Variants in PDE10A observed in about 807,000 individuals in gnomAD.
The protein encoded by PDE10A is phosphodiesterase 10A, also known as cAMP and cAMP-inhibited cGMP 3',5'-cyclic phosphodiesterase 10A.
A neutral mutation model predicts 97.7 loss-of-function variants in PDE10A; 39 were observed. The observed-to-expected ratio is 0.40, with a 90% CI of 0.31 to 0.52. The LOEUF (loss-of-function observed/expected upper bound fraction) is 0.52, where lower values mean the gene tolerates loss of function less well. Among genes scored for constraint, PDE10A ranks in the 20% least tolerant of loss-of-function variants. The pLI is 0.56. For synonymous variants in PDE10A, 371 were observed against 376.8 expected, an observed-to-expected ratio of 0.98 and a Z score of 0.18; for missense variants, 731 against 1,047.8, an observed-to-expected ratio of 0.70 and a Z score of 4.17.
chr6:165,335,040 A>G (rs1453561897), intron 21 of PDE10A, among the ~76,000 whole-genome samples: 1 of 152,188 alleles, frequency 6.6e-6, no homozygotes, highest in Non-Finnish European at 1.5e-5. Flanking sequence ...CATGGCCCGG[A>G]GCCAATTCAC....
At chr6:165,728,429 C>T (rs1352550117) in intron 1 of PDE10A, among the ~76,000 whole-genome samples, 1 of 152,146 alleles carries the variant, frequency 6.6e-6, no homozygotes, top group Admixed American at 6.5e-5. Context: ...GACTGGCTTT[C>T]CTGCTTCCAT....
chr6:165,924,370 T>C (rs950423602), intron 1 of PDE10A, among the ~76,000 whole-genome samples: 11 of 152,130 alleles, frequency 7.2e-5, no homozygotes, highest in African/African-American at 2.7e-4. Flanking sequence ...ATGGTTCCTA[T>C]GTTGGATGGA....
At chr6:165,840,949 A>G (rs1422917803) in intron 1 of PDE10A, among the ~76,000 whole-genome samples, 1 of 152,186 alleles carries the variant, frequency 6.6e-6, no homozygotes, top group Non-Finnish European at 1.5e-5. Flanking sequence ...CTAGAACTTA[A>G]TTTGGAAATT....
chr6:165,644,445 T>C (rs1041339477), intron 1 of PDE10A, among the ~76,000 whole-genome samples: 25 of 152,150 alleles, frequency 1.6e-4, no homozygotes, highest in Admixed American at 1.2e-3. Context: ...GGTGTGCCCA[T>C]AGGAAGCAGC....
Position 165,355,782 on chromosome 6 carries a change from AAAC to A in PDE10A, c.2784-12283_2784-12281del, listed in dbSNP as rs1440130587. 3.3e-5 allele frequency among the ~76,000 whole-genome samples: 5 copies of A among 152,102 alleles called. No homozygotes were observed. The East Asian group carries it at 9.7e-4, about 29-fold the overall frequency. On this transcript the variant is annotated intron_variant, in intron 18 of 21. Coordinates refer to ENST00000539869, the MANE Select transcript of PDE10A (RefSeq NM_001385079.1). ...GCTTTATTAAAACAAAACAAAATAAAAACAAAACAACTAAGGTGTTTTCTAAAG... is the reference window on the plus strand; with the variant it reads ...GCTTTATTAAAACAAAACAAAATAAAAAAACAACTAAGGTGTTTTCTAAAG...
At chr6:165,628,638 A>G (rs1210597714) in intron 1 of PDE10A, among the ~76,000 whole-genome samples, 2 of 152,190 alleles carry the variant, frequency 1.3e-5, no homozygotes, top group African/African-American at 4.8e-5. Flanking sequence ...GCCACTGCAC[A>G]TGGCCCTGTT....
rs541477857 is a variant in PDE10A, at chr6:165,705,079, G to A, written c.-614-161511C>T. 2.4e-3 allele frequency among the ~76,000 whole-genome samples: 366 copies of A among 152,282 alleles called. 2 individuals carry two copies. Among genetic ancestry groups the A allele is most frequent in the Non-Finnish European group, 4.3e-3 (293 of 68,010 alleles). On this transcript the variant is annotated intron_variant, in intron 1 of 19. Coordinates refer to the PDE10A transcript ENST00000366882. ...CAGGGTGCTTCTTGTGGTACCACCC[G>A]CCCCCAGCATGGCACGCACACCCAG...
intron 2 of PDE10A, among the ~76,000 whole-genome samples, chr6:165,510,708 T>C (rs1483725510): frequency 1.3e-5 from 2 of 152,102 alleles, no homozygotes; most frequent in Admixed American, 6.6e-5. Context: ...TTGCTACTAG[T>C]TATTGGTCTA....
At chr6:165,799,583 A>T (rs1167745943) in intron 1 of PDE10A, among the ~76,000 whole-genome samples, 1 of 152,188 alleles carries the variant, frequency 6.6e-6, no homozygotes, top group African/African-American at 2.4e-5. Context: ...ACTGTGAATT[A>T]GTTCAGCCAT....
rs183860052 is a variant in PDE10A, at chr6:165,501,256, C to T, written c.995-18913G>A. ...GCAGGCCACCCCTTCATGGCATGAACACCTAGGTAAAAAGTTCTGAGGAGG... is the reference window on the plus strand; with the variant it reads ...GCAGGCCACCCCTTCATGGCATGAATACCTAGGTAAAAAGTTCTGAGGAGG... On this transcript the variant is annotated intron_variant, in intron 2 of 21. Transcript: ENST00000539869. Among the ~76,000 whole-genome samples, 567 of 152,254 alleles carry T rather than the reference C, an allele frequency of 3.7e-3. 3 individuals are homozygous for T. Among genetic ancestry groups the T allele is most frequent in the African/African-American group, 0.013 (548 of 41,558 alleles).
Position 165,780,758 on chromosome 6 carries a change from G to A in PDE10A, c.-615+206771C>T, listed in dbSNP as rs576868262. 7 of 152,434 alleles carry A rather than the reference G, an allele frequency of 4.6e-5. No individual in the cohort carries two copies. The East Asian group carries it at 1.2e-3, about 25-fold the overall frequency. The allele number at this position is 152,434 out of a possible 1,614,324, so 9.4% of individuals were successfully genotyped here. A position where few individuals can be genotyped will look rare whatever the true frequency, so the allele number is the denominator to read the frequency against. On this transcript the variant is annotated intron_variant, in intron 1 of 19. Transcript: ENST00000366882. ...GGTGCCAGCTGTTGGCCTTGAACTT[G>A]CCTGAGGTCTCACCCTCTCAACGCT...
intron 13 of PDE10A, among the ~76,000 whole-genome samples, chr6:165,397,102 T>C (rs747617983): frequency 4.2e-4 from 64 of 152,180 alleles, no homozygotes; most frequent in Admixed American, 1.6e-3. Context: ...TAATCGAAAA[T>C]GGATAGGTAC....
At chr6:165,712,635 T>A (rs965969627) in intron 1 of PDE10A, among the ~76,000 whole-genome samples, 1 of 18,162 alleles carries the variant, frequency 5.5e-5, no homozygotes. Context: ...TTCTTTCTTT[T>A]TTTTTTTTTT....
At chr6:165,631,994 A>G (rs1429563270) in intron 1 of PDE10A, among the ~76,000 whole-genome samples, 3 of 152,056 alleles carry the variant, frequency 2.0e-5, no homozygotes, top group Non-Finnish European at 4.4e-5. Flanking sequence ...TGAGGTCAGG[A>G]GTTTGAGACC....
intron 1 of PDE10A, among the ~76,000 whole-genome samples, chr6:165,881,891 A>G (rs957023514): frequency 1.3e-5 from 2 of 152,220 alleles, no homozygotes; most frequent in Non-Finnish European, 2.9e-5. Flanking sequence ...AGTCACTTGA[A>G]AAAACATTGC....
intron 2 of PDE10A, among the ~76,000 whole-genome samples, chr6:165,505,073 A>C (rs1170005924): frequency 6.6e-6 from 1 of 152,152 alleles, no homozygotes; most frequent in Admixed American, 6.5e-5. Context: ...CTGGGGCCTA[A>C]AAGCTTCTCT....
chr6:165,728,701 G>T (rs1792355373), intron 1 of PDE10A, among the ~76,000 whole-genome samples: 1 of 152,116 alleles, frequency 6.6e-6, no homozygotes, highest in Non-Finnish European at 1.5e-5. Context: ...AGAATATTCT[G>T]ATATAAGACA....
intron 1 of PDE10A, among the ~76,000 whole-genome samples, chr6:165,982,891 C>G (rs1785062454): frequency 6.6e-6 from 1 of 152,126 alleles, no homozygotes; most frequent in Admixed American, 6.5e-5. Context: ...CAAAACAAAA[C>G]AAAAATTGTC....
At chr6:165,563,842 G>T (rs1784642700) in intron 1 of PDE10A, among the ~76,000 whole-genome samples, 1 of 151,220 alleles carries the variant, frequency 6.6e-6, no homozygotes, top group Non-Finnish European at 1.5e-5. Flanking sequence ...AGTTAGCTGA[G>T]ATCGTGCCAC....
Sources: gnomAD v4.1 joint callset for allele counts (sites outside exome capture counted in the v4.1 genomes callset) on GRCh38, gnomAD v4.1.1 for gene constraint, MANE v1.5 for transcripts, NCBI Gene and HGNC (gene_info 2026-07-23, HGNC 2026-07-21) for gene names.